Variants in PEX5L observed in about 807,000 individuals in gnomAD.
PEX5L encodes peroxisomal biogenesis factor 5 like.
PEX5L carries 30 observed loss-of-function variants against 84.0 expected under a neutral mutation model. The observed-to-expected ratio is 0.36, with a 90% CI of 0.27 to 0.48. The LOEUF is 0.48. PEX5L is among the 20% of genes least tolerant of loss of function. The probability of loss-of-function intolerance (pLI) is 0.99; values close to 1 mark genes in which losing one functional copy is unlikely to be tolerated. For synonymous variants in PEX5L, 270 were observed against 283.1 expected (o/e 0.95, Z 0.46); for missense variants, 533 against 754.6 (o/e 0.71, Z 3.44).
intron 1 of PEX5L, among the ~76,000 whole-genome samples, chr3:180,032,254 C>T (rs1197529060): frequency 6.6e-6 from 1 of 152,156 alleles, no homozygotes; most frequent in Non-Finnish European, 1.5e-5. Context: ...GTTAATATTT[C>T]ATCATACTTA....
chr3:179,808,530 T>G (rs192724355), intron 12 of PEX5L, 93 bp from the exon 13 acceptor site: 125 of 1,017,250 alleles, frequency 1.2e-4, no homozygotes, highest in Admixed American at 4.2e-4. Flanking sequence ...TCAAGAAGTC[T>G]CTTCGTTACA....
chr3:179,884,931 T>A (rs1427210231), intron 4 of PEX5L, among the ~76,000 whole-genome samples: 1 of 152,132 alleles, frequency 6.6e-6, no homozygotes, highest in Non-Finnish European at 1.5e-5. Context: ...AGAAAAAAAA[T>A]CACTGACCGA....
chr3:179,917,899 T>C (rs1767796066), intron 2 of PEX5L, among the ~76,000 whole-genome samples: 2 of 152,320 alleles, frequency 1.3e-5, no homozygotes, highest in African/African-American at 4.8e-5. Flanking sequence ...CCTCAGGTGA[T>C]CCACCTGCCT....
intron 1 of PEX5L, among the ~76,000 whole-genome samples, chr3:180,027,768 T>C (rs1791098941): frequency 6.6e-6 from 1 of 152,240 alleles, no homozygotes; most frequent in African/African-American, 2.4e-5. Flanking sequence ...ATATTGCATT[T>C]AGTTGTCATA....
At chr3:179,937,298 G>T (rs1281496163) in intron 2 of PEX5L, among the ~76,000 whole-genome samples, 1 of 152,120 alleles carries the variant, frequency 6.6e-6, no homozygotes, top group Non-Finnish European at 1.5e-5. Context: ...TTCATTAGTT[G>T]TAACAAATGT....
chr3:179,901,864 G>A (rs916601181), intron 2 of PEX5L: 2 of 152,190 alleles, frequency 1.3e-5, no homozygotes, highest in African/African-American at 4.8e-5. Flanking sequence ...GTCTAGCAGT[G>A]CCATTAACAT....
chr3:179,799,247 C>T lies in PEX5L; in HGVS notation c.*2581G>A, dbSNP rs949962261. ...ACTCATGTTTTAATAATGGTTTTAA[C>T]TTAATTTTATAAAAAATATTATTGA... is the stretch of plus-strand genomic sequence containing the variant. On this transcript the variant is annotated 3_prime_UTR_variant, in exon 15 of 15. Coordinates refer to ENST00000467460, the MANE Select transcript of PEX5L (RefSeq NM_016559.3). 1 of 152,100 alleles carries T rather than the reference C, an allele frequency of 6.6e-6. No homozygotes were observed. Among genetic ancestry groups the T allele is most frequent in the Non-Finnish European group, 1.5e-5 (1 of 68,028 alleles). 9.4% of individuals were successfully genotyped at this position (152,100 alleles called of 1,614,324 possible).
At chr3:180,029,175 T>C (rs1791226180) in intron 1 of PEX5L, among the ~76,000 whole-genome samples, 1 of 152,122 alleles carries the variant, frequency 6.6e-6, no homozygotes, top group African/African-American at 2.4e-5. Context: ...GACATAATAG[T>C]TCTCTAAATA....
Position 179,960,281 on chromosome 3 carries a change from G to A in PEX5L, c.93+11313C>T, listed in dbSNP as rs113501318. 2.6e-4 allele frequency among the ~76,000 whole-genome samples: 40 copies of A among 152,356 alleles called. 1 individual carries two copies. Among genetic ancestry groups the A allele is most frequent in the Admixed American group, 7.2e-4 (11 of 15,306 alleles). On this transcript the variant is annotated intron_variant, in intron 2 of 14. Transcript: ENST00000467460. ...TTATATTCTTACACATAGGCAGAAGGAAGAGCAAGAGCAAAGTGTGAAGGG... is the reference window on the plus strand; with the variant it reads ...TTATATTCTTACACATAGGCAGAAGAAAGAGCAAGAGCAAAGTGTGAAGGG...
At chr3:179,826,792 A>C (rs865844620) in intron 8 of PEX5L, among the ~76,000 whole-genome samples, 14 of 152,344 alleles carry the variant, frequency 9.2e-5, no homozygotes, top group Admixed American at 1.3e-4. Flanking sequence ...TACTTGTTTT[A>C]AAAAATAAAG....
intron 3 of PEX5L, among the ~76,000 whole-genome samples, chr3:179,890,143 A>T (rs187368410): frequency 5.6e-4 from 86 of 152,284 alleles, no homozygotes; most frequent in Admixed American, 3.3e-3. Flanking sequence ...TGCTTAATGT[A>T]ATGAACTCAT....
At chr3:179,989,990 G>A (rs186390626) in intron 1 of PEX5L, among the ~76,000 whole-genome samples, 3 of 152,290 alleles carry the variant, frequency 2.0e-5, no homozygotes, top group Admixed American at 1.3e-4. Flanking sequence ...TTAAATTATA[G>A]CATTAAATGT....
At chr3:179,956,150 G>T (rs1452205588) in intron 2 of PEX5L, among the ~76,000 whole-genome samples, 4 of 152,138 alleles carry the variant, frequency 2.6e-5, no homozygotes, top group African/African-American at 9.7e-5. Flanking sequence ...TGCTGATAGG[G>T]AAGTCAAGGC....
intron 12 of PEX5L, among the ~76,000 whole-genome samples, chr3:179,808,909 C>A (rs941303153): frequency 1.3e-5 from 2 of 151,514 alleles, no homozygotes; most frequent in Non-Finnish European, 2.9e-5. Context: ...CCCGTCTCTA[C>A]TAAAAATACA....
At chr3:180,007,408 G>C (rs1190858569) in intron 1 of PEX5L, among the ~76,000 whole-genome samples, 1 of 152,206 alleles carries the variant, frequency 6.6e-6, no homozygotes, top group Non-Finnish European at 1.5e-5. Context: ...GCATGTCTGC[G>C]GCTTTTCCAG....
chr3:179,880,046 G>T lies in PEX5L; in HGVS notation c.388C>A (p.Pro130Thr). The part of the protein sequence containing the change: ...QTQTKAKKSE[P>T]SSKTSSLKKK... ...TTGAGGGATGAGGTTTTTGATGAGG[G>T]CTCTGACTTCTTGGCTTTGGTTTGG... The change falls in exon 5 of 15, where the codon CCC (proline) becomes ACC (threonine). Residue 130 changes from proline to threonine, a missense_variant. Transcript: ENST00000467460. 1 of 1,613,840 alleles carries T rather than the reference G, an allele frequency of 6.2e-7. No individual in the cohort carries two copies.
chr3:179,891,548 T>G (rs1757628788), intron 3 of PEX5L, among the ~76,000 whole-genome samples: 1 of 152,156 alleles, frequency 6.6e-6, no homozygotes, highest in African/African-American at 2.4e-5. Flanking sequence ...CCAGAGAATA[T>G]CTTACTTATA....
chr3:179,950,453 GTA>G (rs1289088962), intron 2 of PEX5L, among the ~76,000 whole-genome samples: 1 of 152,128 alleles, frequency 6.6e-6, no homozygotes, highest in African/African-American at 2.4e-5. Flanking sequence ...CATGGCACAT[GTA>G]TACATATGTA....
intron 2 of PEX5L, among the ~76,000 whole-genome samples, chr3:179,925,490 A>G (rs1238485933): frequency 6.6e-6 from 1 of 152,242 alleles, no homozygotes; most frequent in Non-Finnish European, 1.5e-5. Flanking sequence ...TGCCTTTATT[A>G]CTGGATACAT....
Sources: gnomAD v4.1 joint callset for allele counts (sites outside exome capture counted in the v4.1 genomes callset) on GRCh38, gnomAD v4.1.1 for gene constraint, MANE v1.5 for transcripts, NCBI Gene and HGNC (gene_info 2026-07-23, HGNC 2026-07-21) for gene names.